The following PTPRJ variants were observed in gnomAD, a reference collection of about 807,000 sequenced individuals.
PTPRJ encodes the protein protein tyrosine phosphatase receptor type J.
A neutral mutation model predicts 141.3 loss-of-function variants in PTPRJ; 129 were observed. The ratio of observed to expected loss-of-function variants is 0.91; its 90% CI spans 0.79 to 1.06. PTPRJ has a LOEUF of 1.06. Ranked by LOEUF, PTPRJ falls within the 50% of genes least tolerant of loss-of-function variation. PTPRJ has a pLI of 0.00. For synonymous variants in PTPRJ, 610 were observed against 640.5 expected (o/e 0.95, Z 0.72); for missense variants, 1,601 against 1,679.7 (o/e 0.95, Z 0.82).
intron 1 of PTPRJ, among the ~76,000 whole-genome samples, chr11:48,049,636 C>A (rs1482443724): frequency 6.6e-6 from 1 of 151,402 alleles, no homozygotes; most frequent in East Asian, 1.9e-4. Context: ...ATCGCTTGAA[C>A]CTGGGAGGTG....
intron 1 of PTPRJ, among the ~76,000 whole-genome samples, chr11:48,050,471 T>G (rs1218155336): frequency 1.3e-5 from 2 of 152,232 alleles, no homozygotes; most frequent in Non-Finnish European, 2.9e-5. Flanking sequence ...TCTGTGGGTT[T>G]GGACAAGGTA....
intron 1 of PTPRJ, among the ~76,000 whole-genome samples, chr11:48,091,878 A>G (rs12576134): frequency 6.6e-6 from 1 of 152,124 alleles, no homozygotes; most frequent in Non-Finnish European, 1.5e-5. Flanking sequence ...TGAGGATAGG[A>G]CTGGGCTGAA....
chr11:48,072,692 A>G (rs1368427797), intron 1 of PTPRJ, among the ~76,000 whole-genome samples: 1 of 152,088 alleles, frequency 6.6e-6, no homozygotes, highest in African/African-American at 2.4e-5. Context: ...TCCATTCCCA[A>G]CGCCAGTGAT....
At chr11:47,988,203 T>TG (rs889625255) in intron 1 of PTPRJ, among the ~76,000 whole-genome samples, 14 of 152,146 alleles carry the variant, frequency 9.2e-5, no homozygotes, top group African/African-American at 3.4e-4. Flanking sequence ...GAATCTTTCT[T>TG]GGGGGGGAAA....
intron 8 of PTPRJ, among the ~76,000 whole-genome samples, chr11:48,133,376 G>C (rs1323507404): frequency 1.3e-5 from 2 of 152,026 alleles, no homozygotes; most frequent in Non-Finnish European, 2.9e-5. Context: ...TTTCTACAGG[G>C]TAATTTTAAC....
chr11:48,159,990 G>A lies in PTPRJ; in HGVS notation c.3499G>A (p.Ala1167Thr), dbSNP rs1336523918. ...TCAGGACTATGGAGACATAACTGTG[G>A]CAATGACATCAGAAATTGTTCTTCC... Reference protein sequence around the residue: ...QAQDYGDITVAMTSEIVLPEW... With the variant: ...QAQDYGDITVTMTSEIVLPEW... Residue 1167 changes from alanine (A) to threonine (T), a missense_variant, in exon 22 of 25, where the codon GCA becomes ACA. Coordinates refer to ENST00000418331, the MANE Select transcript of PTPRJ (RefSeq NM_002843.4). 3 of 1,613,882 alleles carry A rather than the reference G, an allele frequency of 1.9e-6. No homozygotes were observed. The highest frequency in any genetic ancestry group is 2.5e-6 in the Non-Finnish European group (3 of 1,179,804).
At chr11:48,147,854 T>C (rs1244565875) in intron 15 of PTPRJ, among the ~76,000 whole-genome samples, 1 of 151,882 alleles carries the variant, frequency 6.6e-6, no homozygotes, top group African/African-American at 2.4e-5. Context: ...AGGTTCTGTT[T>C]TTTTTTTTTT....
chr11:48,063,900 G>A (rs139850760), intron 1 of PTPRJ, among the ~76,000 whole-genome samples: 24 of 150,752 alleles, frequency 1.6e-4, no homozygotes, highest in Non-Finnish European at 2.9e-4. Context: ...GGCATTTGTT[G>A]TAGAAAGTTC....
At chr11:48,088,765 G>A (rs1855780519) in intron 1 of PTPRJ, among the ~76,000 whole-genome samples, 1 of 152,102 alleles carries the variant, frequency 6.6e-6, no homozygotes, top group Admixed American at 6.5e-5. Flanking sequence ...AGGTACCCAG[G>A]ACAGGTCTGT....
chr11:48,084,650 C>T (rs999849545), intron 1 of PTPRJ, among the ~76,000 whole-genome samples: 14 of 152,110 alleles, frequency 9.2e-5, no homozygotes, highest in African/African-American at 2.9e-4. Context: ...CTGAAGCAGA[C>T]GAGCTCTGAC....
chr11:48,148,373 T>C (rs1385083880), intron 15 of PTPRJ, among the ~76,000 whole-genome samples: 1 of 152,188 alleles, frequency 6.6e-6, no homozygotes, highest in Non-Finnish European at 1.5e-5. Context: ...CATGGAATCA[T>C]GTTACATGTT....
chr11:48,075,802 A>G (rs1555041495), intron 1 of PTPRJ, among the ~76,000 whole-genome samples: 1 of 152,010 alleles, frequency 6.6e-6, no homozygotes, highest in Non-Finnish European at 1.5e-5. Context: ...TTTCTGCCAC[A>G]TTTTACCTTG....
intron 4 of PTPRJ, among the ~76,000 whole-genome samples, chr11:48,122,606 C>T (rs1052506364): frequency 4.6e-5 from 7 of 152,162 alleles, no homozygotes; most frequent in African/African-American, 2.4e-5. Context: ...GGCTGGAACC[C>T]GGAGTCTAAC....
At chr11:48,106,198 T>A (rs1472169177) in intron 1 of PTPRJ, among the ~76,000 whole-genome samples, 1 of 152,182 alleles carries the variant, frequency 6.6e-6, no homozygotes, top group Non-Finnish European at 1.5e-5. Flanking sequence ...AAGGCTCCCG[T>A]TTAAGTCCTC....
chr11:48,159,161 G>GTGTGTTTA (rs60389100), intron 21 of PTPRJ, among the ~76,000 whole-genome samples: 4,111 of 130,572 alleles, frequency 0.031, 130 homozygotes, highest in African/African-American at 0.055. Context: ...GTGTGTGTGT[G>GTGTGTTTA]GTCATTTGCC....
At chr11:48,092,294 CAAAAAAAA>C (rs3971621) in intron 1 of PTPRJ, among the ~76,000 whole-genome samples, 3 of 46,954 alleles carry the variant, frequency 6.4e-5, no homozygotes, top group African/African-American at 2.2e-4. Flanking sequence ...GATTTCATCT[CAAAAAAAA>C]AAAAAAAAAA....
intron 8 of PTPRJ, chr11:48,132,198 G>A (rs1020006078): frequency 1.0e-6 from 1 of 985,254 alleles, no homozygotes; most frequent in Non-Finnish European, 1.2e-6. Flanking sequence ...ACAACACTGT[G>A]ATGAGATACT....
intron 1 of PTPRJ, among the ~76,000 whole-genome samples, chr11:48,057,245 G>A (rs77082299): frequency 0.017 from 2,537 of 152,322 alleles, 31 homozygotes; most frequent in South Asian, 0.039. Context: ...AACTGACTGT[G>A]TTAGGTTATT....
At chr11:48,165,829 C>G (rs1857903030) in intron 24 of PTPRJ, among the ~76,000 whole-genome samples, 1 of 151,640 alleles carries the variant, frequency 6.6e-6, no homozygotes, top group Non-Finnish European at 1.5e-5. Context: ...AATACTTATT[C>G]ATATGAAAGC....
Sources: gnomAD v4.1 joint callset for allele counts (sites outside exome capture counted in the v4.1 genomes callset) on GRCh38, gnomAD v4.1.1 for gene constraint, MANE v1.5 for transcripts, NCBI Gene and HGNC (gene_info 2026-07-23, HGNC 2026-07-21) for gene names.